Variants in GPHN observed in about 807,000 individuals in gnomAD.
The protein encoded by GPHN is gephyrin.
A neutral mutation model predicts 95.5 loss-of-function variants in GPHN; 17 were observed. The observed-to-expected ratio is 0.18, with a 90% confidence interval of 0.12 to 0.27. The LOEUF is 0.27. Among genes scored for constraint, GPHN ranks in the 10% least tolerant of loss-of-function variants. GPHN has a pLI of 1.00. For synonymous variants in GPHN, 320 were observed against 322.5 expected, an observed-to-expected ratio of 0.99 and a Z score of 0.08; for missense variants, 660 against 978.1, an observed-to-expected ratio of 0.67 and a Z score of 4.34.
chr14:67,012,580 G>A (rs115017252), intron 9 of GPHN, among the ~76,000 whole-genome samples: 190 of 152,150 alleles, frequency 1.2e-3, no homozygotes, highest in African/African-American at 4.2e-3. Flanking sequence ...TCTGGATTTC[G>A]GTAGTTTGTA....
the GPHN span, among the ~76,000 whole-genome samples, chr14:67,604,191 T>C: frequency 6.6e-6 from 1 of 152,222 alleles, no homozygotes; most frequent in African/African-American, 2.4e-5. Flanking sequence ...GTCTGTTCCA[T>C]CTTTCAGAAA....
At chr14:66,607,765 A>G (rs2062607202) in intron 1 of GPHN, among the ~76,000 whole-genome samples, 2 of 151,574 alleles carry the variant, frequency 1.3e-5, no homozygotes, top group South Asian at 4.2e-4. Flanking sequence ...TTTCCTCTAG[A>G]TTTCTTATTT....
the GPHN span, among the ~76,000 whole-genome samples, chr14:67,695,440 G>T: frequency 6.6e-6 from 1 of 152,218 alleles, no homozygotes; most frequent in African/African-American, 2.4e-5. Flanking sequence ...CTTTCTCACC[G>T]CCTGGGGTCT....
chr14:67,344,862 C>T, the GPHN span, among the ~76,000 whole-genome samples: 1 of 150,734 alleles, frequency 6.6e-6, no homozygotes, highest in East Asian at 2.0e-4. Flanking sequence ...GCCTGGGCAA[C>T]AGAGCAAGAT....
chr14:66,930,402 G>T (rs1299804466), intron 8 of GPHN, among the ~76,000 whole-genome samples: 1 of 151,886 alleles, frequency 6.6e-6, no homozygotes, highest in Admixed American at 6.6e-5. Context: ...AACTTTGATT[G>T]CTAGGAGTTA....
chr14:66,727,191 G>GCTC (rs2071326461), intron 2 of GPHN, among the ~76,000 whole-genome samples: 2 of 152,192 alleles, frequency 1.3e-5, no homozygotes, highest in South Asian at 4.1e-4. Flanking sequence ...GACGTGACTT[G>GCTC]CTCCTCCATG....
the GPHN span, among the ~76,000 whole-genome samples, chr14:67,202,191 A>G: frequency 6.6e-6 from 1 of 152,248 alleles, no homozygotes; most frequent in African/African-American, 2.4e-5. Context: ...CTGTAATCCC[A>G]GCACTTTGGT....
At chr14:67,050,755 C>G (rs1211444887) in intron 10 of GPHN, among the ~76,000 whole-genome samples, 1 of 151,410 alleles carries the variant, frequency 6.6e-6, no homozygotes, top group Non-Finnish European at 1.5e-5. Context: ...CGAGTAAATC[C>G]TATGCCAGCA....
rs1452349977 is a variant in GPHN, at chr14:66,631,056, G to A, written c.65-50051G>A. ...GTTCTTTTTTTTTGTTTTTGTTTTT[G>A]TTTGTTTTTTTTGAGACGGAGTCTT... On this transcript the variant is annotated intron_variant, in intron 1 of 22. Transcript: ENST00000478722. 2.7e-5 allele frequency among the ~76,000 whole-genome samples: 4 copies of A among 147,300 alleles called. No individual in the cohort carries two copies. In the South Asian group the frequency reaches 7.2e-4, roughly 27 times the overall value.
chr14:67,357,261 C>G, the GPHN span, among the ~76,000 whole-genome samples: 2 of 152,202 alleles, frequency 1.3e-5, no homozygotes, highest in Admixed American at 1.3e-4. Context: ...AGTATATTTT[C>G]TAGCCTATGG....
chr14:67,598,812 C>A, the GPHN span, among the ~76,000 whole-genome samples: 1 of 151,186 alleles, frequency 6.6e-6, no homozygotes, highest in African/African-American at 2.4e-5. Context: ...CAGGTTCAAG[C>A]GATTCTCCCG....
the GPHN span, among the ~76,000 whole-genome samples, chr14:67,429,631 G>A: frequency 6.6e-6 from 1 of 151,998 alleles, no homozygotes; most frequent in Non-Finnish European, 1.5e-5. Flanking sequence ...AGCTACTCAG[G>A]AGGCTGAGGC....
At chr14:67,702,227 C>T in the GPHN span, among the ~76,000 whole-genome samples, 1 of 152,024 alleles carries the variant, frequency 6.6e-6, no homozygotes, top group Admixed American at 6.6e-5. Context: ...CCTTAGGGTC[C>T]CAAAGTGCTA....
At chr14:67,692,981 G>T in the GPHN span, 1 of 1,614,112 alleles carries the variant, frequency 6.2e-7, no homozygotes, top group East Asian at 2.2e-5. Flanking sequence ...ACCTGTATTA[G>T]CTCCTGTGAC....
chr14:66,790,256 A>C (rs2059925820), intron 3 of GPHN, among the ~76,000 whole-genome samples: 1 of 152,214 alleles, frequency 6.6e-6, no homozygotes, highest in Non-Finnish European at 1.5e-5. Context: ...GCTCAGTGAA[A>C]GGAAAGTTTA....
At chr14:67,544,319 T>C in the GPHN span, among the ~76,000 whole-genome samples, 1 of 152,324 alleles carries the variant, frequency 6.6e-6, no homozygotes, top group East Asian at 1.9e-4. Context: ...ATACTACCTG[T>C]GTGGTTTAGG....
the GPHN span, among the ~76,000 whole-genome samples, chr14:67,287,996 T>C: frequency 6.6e-6 from 1 of 152,204 alleles, no homozygotes; most frequent in Non-Finnish European, 1.5e-5. Flanking sequence ...TTCTGGGCTG[T>C]CTATGGCTGC....
intron 17 of GPHN, among the ~76,000 whole-genome samples, chr14:67,140,522 C>A (rs1463924637): frequency 2.0e-5 from 3 of 152,120 alleles, no homozygotes; most frequent in African/African-American, 7.2e-5. Context: ...TTTACAGTAG[C>A]TTTACAATAA....
chr14:66,629,150 TATATAA>T (rs1301497739), intron 1 of GPHN, among the ~76,000 whole-genome samples: 1 of 117,212 alleles, frequency 8.5e-6, no homozygotes, highest in African/African-American at 3.6e-5. Context: ...TTTATATACA[TATATAA>T]ATATGTATAT....
Sources: allele counts gnomAD v4.1 joint callset (sites outside exome capture counted in the v4.1 genomes callset), GRCh38; gene constraint gnomAD v4.1.1; transcripts MANE v1.5; gene names NCBI Gene and HGNC (gene_info 2026-07-23, HGNC 2026-07-21).